Variants in MAST4 observed in about 807,000 individuals in gnomAD.
MAST4 encodes microtubule-associated serine/threonine-protein kinase 4.
A neutral mutation model predicts 162.7 loss-of-function variants in MAST4; 89 were observed. The observed-to-expected ratio is 0.55, with a 90% CI of 0.46 to 0.65. The LOEUF (loss-of-function observed/expected upper bound fraction) is 0.65, where lower values mean the gene tolerates loss of function less well. Among genes scored for constraint, MAST4 ranks in the 30% least tolerant of loss-of-function variants. The probability of loss-of-function intolerance (pLI) is 0.00; values close to 1 mark genes in which losing one functional copy is unlikely to be tolerated. For synonymous variants in MAST4, 1,479 were observed against 1,361.1 expected (o/e 1.09, Z -1.91); for missense variants, 3,153 against 3,374.0 (o/e 0.93, Z 1.62).
At position 67,142,556 on chromosome 5, in the gene MAST4, A is replaced by G. The variant is rs200240667; in HGVS notation, c.2730+23A>G. ...AAAGTAAGTGAAATGTGGCATAAAC[A>G]TACAGAGTCTCTCTGGGAGGATCTC... On this transcript the variant is annotated intron_variant, in intron 21 of 28. Coordinates refer to ENST00000403625, the MANE Select transcript of MAST4 (RefSeq NM_001164664.2). The G allele has an allele frequency of 6.4e-4, 917 of 1,429,932 alleles. 1 individual carries two copies. The highest frequency in any genetic ancestry group is 7.8e-4 in the Non-Finnish European group (808 of 1,033,876). The allele number at this position is 1,429,932 out of a possible 1,614,324, so 88.6% of individuals were successfully genotyped here.
chr5:66,641,193 C>T (rs1048668417), intron 1 of MAST4, among the ~76,000 whole-genome samples: 2 of 152,080 alleles, frequency 1.3e-5, no homozygotes, highest in African/African-American at 2.4e-5. Context: ...GTCTCTGTCA[C>T]CCAGGCTGAA....
chr5:66,732,025 C>G (rs1235115779), intron 1 of MAST4, among the ~76,000 whole-genome samples: 1 of 151,872 alleles, frequency 6.6e-6, no homozygotes, highest in Non-Finnish European at 1.5e-5. Context: ...GATACCAGTC[C>G]CACGCAGGCC....
chr5:67,162,488 G>T, intron 27 of MAST4, 119 bp from the exon 28 acceptor site: 2 of 810,290 alleles, frequency 2.5e-6, no homozygotes. Flanking sequence ...TCTTTAATAG[G>T]ATCTGCTGTT....
At chr5:66,986,701 G>A (rs747802621) in intron 4 of MAST4, among the ~76,000 whole-genome samples, 1 of 151,386 alleles carries the variant, frequency 6.6e-6, no homozygotes, top group Non-Finnish European at 1.5e-5. Flanking sequence ...GCTCACTGCA[G>A]CCTCAAGCTC....
At chr5:66,629,456 C>G (rs1466325808) in intron 1 of MAST4, among the ~76,000 whole-genome samples, 1 of 152,182 alleles carries the variant, frequency 6.6e-6, no homozygotes, top group Non-Finnish European at 1.5e-5. Flanking sequence ...CTGCTCTGCT[C>G]AAGTTTTAGC....
intron 4 of MAST4, among the ~76,000 whole-genome samples, chr5:66,919,660 G>GAAAAAAAAAA (rs56802433): frequency 7.2e-5 from 7 of 96,924 alleles, no homozygotes; most frequent in Non-Finnish European, 6.2e-5. Context: ...CTCCGTCACA[G>GAAAAAAAAAA]AAAAAAAAAA....
chr5:66,999,966 A>G (rs1346878940), intron 4 of MAST4, among the ~76,000 whole-genome samples: 1 of 152,234 alleles, frequency 6.6e-6, no homozygotes, highest in South Asian at 2.1e-4. Context: ...GCTTTCTTCA[A>G]CCTGTTCCTC....
At chr5:66,644,507 T>C (rs1745695422) in intron 1 of MAST4, among the ~76,000 whole-genome samples, 1 of 152,222 alleles carries the variant, frequency 6.6e-6, no homozygotes, top group African/African-American at 2.4e-5. Flanking sequence ...AGTTTAGAGA[T>C]TGAATTTCCC....
chr5:67,107,610 C>T (rs974859271), intron 10 of MAST4, among the ~76,000 whole-genome samples: 20 of 152,192 alleles, frequency 1.3e-4, no homozygotes, highest in Admixed American at 7.9e-4. Flanking sequence ...GCCTTGGTTT[C>T]CCCAGGATGC....
intron 4 of MAST4, chr5:67,002,177 A>G (rs886547877): frequency 3.9e-5 from 6 of 152,190 alleles, no homozygotes; most frequent in African/African-American, 1.4e-4. Context: ...GAGGAATGTT[A>G]GCACTGATAT....
At chr5:66,841,762 C>T (rs1009455616) in intron 3 of MAST4, among the ~76,000 whole-genome samples, 2 of 152,274 alleles carry the variant, frequency 1.3e-5, no homozygotes, top group South Asian at 2.1e-4. Context: ...GGGATACACA[C>T]ATTCATACCA....
chr5:66,824,859 A>G (rs1724918882), intron 3 of MAST4, among the ~76,000 whole-genome samples: 1 of 152,244 alleles, frequency 6.6e-6, no homozygotes, highest in Non-Finnish European at 1.5e-5. Context: ...AACATACCTG[A>G]AAAATACAAT....
At chr5:67,021,406 G>A (rs1753964208) in intron 4 of MAST4, among the ~76,000 whole-genome samples, 1 of 152,312 alleles carries the variant, frequency 6.6e-6, no homozygotes, top group Non-Finnish European at 1.5e-5. Flanking sequence ...ATTGCAAGGT[G>A]AGTCCAGTCT....
chr5:66,700,269 A>G (rs1749680053), intron 1 of MAST4, among the ~76,000 whole-genome samples: 1 of 152,208 alleles, frequency 6.6e-6, no homozygotes, highest in South Asian at 2.1e-4. Context: ...AAATGATTCT[A>G]TTATTTCATG....
At chr5:66,861,679 G>A (rs565352559) in intron 3 of MAST4, among the ~76,000 whole-genome samples, 26 of 152,360 alleles carry the variant, frequency 1.7e-4, no homozygotes, top group South Asian at 8.3e-4. Flanking sequence ...CATTATGGCA[G>A]TGTGACCTAA....
chr5:66,736,578 A>G (rs1752169029), intron 1 of MAST4, among the ~76,000 whole-genome samples: 2 of 152,208 alleles, frequency 1.3e-5, no homozygotes, highest in South Asian at 2.1e-4. Context: ...TACTATGGCT[A>G]TTTTACTAAG....
chr5:66,788,607 C>CCCACCAAAAAA, intron 2 of MAST4, 63 bp from the exon 3 acceptor site: 12 of 1,373,682 alleles, frequency 8.7e-6, no homozygotes, highest in African/African-American at 2.9e-5. Context: ...CCCCCACCCC[C>CCCACCAAAAAA]ATTGCAATAA....
chr5:66,893,398 G>T (rs1413644099), intron 3 of MAST4, among the ~76,000 whole-genome samples: 1 of 151,242 alleles, frequency 6.6e-6, no homozygotes, highest in Admixed American at 6.6e-5. Flanking sequence ...GTGTGTGTGT[G>T]TCTTTTTTTT....
chr5:66,835,878 C>T (rs1580585123), intron 3 of MAST4, among the ~76,000 whole-genome samples: 1 of 152,106 alleles, frequency 6.6e-6, no homozygotes, highest in Non-Finnish European at 1.5e-5. Flanking sequence ...CCATTAAAAT[C>T]ATGCTTTTGG....
Sources: allele counts gnomAD v4.1 joint callset (sites outside exome capture counted in the v4.1 genomes callset), GRCh38; gene constraint gnomAD v4.1.1; transcripts MANE v1.5; gene names NCBI Gene and HGNC (gene_info 2026-07-23, HGNC 2026-07-21).